Variants in NDUFAF2 observed in about 807,000 individuals in gnomAD.
NDUFAF2 encodes NADH dehydrogenase [ubiquinone] 1 alpha subcomplex assembly factor 2.
NDUFAF2 carries 13 observed loss-of-function variants against 22.8 expected under a neutral mutation model. The ratio of observed to expected loss-of-function variants is 0.57; its 90% CI spans 0.37 to 0.91. The LOEUF is 0.91. NDUFAF2 is among the 40% of genes least tolerant of loss of function. The probability of loss-of-function intolerance (pLI) is 0.01; values close to 1 mark genes in which losing one functional copy is unlikely to be tolerated. For missense variants in NDUFAF2, 162 were observed against 195.2 expected (o/e 0.83, Z 1.01); for synonymous variants, 53 against 64.2 (o/e 0.83, Z 0.84).
chr5:61,117,630 A>G (rs571429198), intron 3 of NDUFAF2, among the ~76,000 whole-genome samples: 1 of 152,220 alleles, frequency 6.6e-6, no homozygotes, highest in Non-Finnish European at 1.5e-5. Context: ...TGCTGGGATT[A>G]TAGGCGTGAG....
At chr5:61,007,353 G>T (rs111874609) in intron 1 of NDUFAF2, among the ~76,000 whole-genome samples, 1 of 151,602 alleles carries the variant, frequency 6.6e-6, no homozygotes, top group Non-Finnish European at 1.5e-5. Context: ...AGTTTTCCCA[G>T]CACCATTTAT....
chr5:61,035,808 A>G (rs969867889), intron 1 of NDUFAF2, among the ~76,000 whole-genome samples: 7 of 152,154 alleles, frequency 4.6e-5, no homozygotes, highest in Non-Finnish European at 1.0e-4. Context: ...ATTTTCATTT[A>G]TAATATAGTC....
intron 1 of NDUFAF2, among the ~76,000 whole-genome samples, chr5:61,009,091 T>C (rs1260185878): frequency 6.6e-6 from 1 of 152,112 alleles, no homozygotes; most frequent in African/African-American, 2.4e-5. Context: ...TTTACAGTGA[T>C]TTCCTACATT....
chr5:61,095,377 C>T (rs756812284), intron 2 of NDUFAF2, among the ~76,000 whole-genome samples: 4 of 152,212 alleles, frequency 2.6e-5, no homozygotes, highest in Non-Finnish European at 5.9e-5. Context: ...TTCCCTCCCC[C>T]AAGGAACTCT....
chr5:61,123,275 T>C (rs13186053), intron 3 of NDUFAF2, among the ~76,000 whole-genome samples: 16,278 of 152,160 alleles, frequency 0.11, 1,080 homozygotes, highest in South Asian at 0.22. Flanking sequence ...AGTACAGTCA[T>C]GTGTCACTTG....
chr5:61,106,076 A>G (rs553186388), intron 3 of NDUFAF2, among the ~76,000 whole-genome samples: 1 of 151,674 alleles, frequency 6.6e-6, no homozygotes, highest in African/African-American at 2.4e-5. Flanking sequence ...TTAGATGCTA[A>G]CCAATAAATA....
chr5:60,994,427 C>T lies in NDUFAF2; in HGVS notation c.127+49045C>T, dbSNP rs150730770. 9.3e-4 allele frequency among the ~76,000 whole-genome samples: 141 copies of T among 152,324 alleles called. 1 individual carries two copies. The highest frequency in any genetic ancestry group is 3.2e-3 in the African/African-American group (132 of 41,572). On this transcript the variant is annotated intron_variant, in intron 1 of 3. Coordinates refer to ENST00000296597, the MANE Select transcript of NDUFAF2 (RefSeq NM_174889.5). ...GCTGCAGCTGCACCTGGGGAACTCC[C>T]GCTCCACCAACGTGGAAAGAGCAGG...
chr5:60,964,666 G>C lies in NDUFAF2; in HGVS notation c.127+19284G>C, dbSNP rs1214858217. On this transcript the variant is annotated intron_variant, in intron 1 of 3. Coordinates refer to ENST00000296597, the MANE Select transcript of NDUFAF2 (RefSeq NM_174889.5). ...AGGGTTTCACCATGTTGGTCAGGCT[G>C]GTCTTGAACTCCTGACCTCAAGTGA... Among the ~76,000 whole-genome samples the C allele has an allele frequency of 2.5e-4, 38 of 152,034 alleles. 1 individual carries two copies. The highest frequency in any genetic ancestry group is 4.4e-5 in the Non-Finnish European group (3 of 68,006).
intron 1 of NDUFAF2, among the ~76,000 whole-genome samples, chr5:60,947,072 T>C (rs1750471108): frequency 6.6e-6 from 1 of 152,220 alleles, no homozygotes; most frequent in Admixed American, 6.5e-5. Context: ...TGACAAAAGC[T>C]CTACAAACAT....
rs111539922 is a variant in NDUFAF2 at position 60,954,770 on chromosome 5, A to G, written c.127+9388A>G. Among the ~76,000 whole-genome samples the G allele has an allele frequency of 3.3e-3, 505 of 151,022 alleles. 13 individuals are homozygous for G. Among genetic ancestry groups the G allele is most frequent in the East Asian group, 7.2e-3 (37 of 5,136 alleles). On this transcript the variant is annotated intron_variant, in intron 1 of 3. Coordinates refer to ENST00000296597, the MANE Select transcript of NDUFAF2 (RefSeq NM_174889.5). The stretch of plus-strand genomic sequence containing the variant: ...GTCCTTTTTTTTTTTTTTAAATAGT[A>G]GCCATCCTAACAAGTATAAGGTGAT...
chr5:61,147,675 T>C (rs1230546805), intron 3 of NDUFAF2, among the ~76,000 whole-genome samples: 1 of 152,138 alleles, frequency 6.6e-6, no homozygotes, highest in African/African-American at 2.4e-5. Flanking sequence ...CTTTCCAATA[T>C]AGTGGCCATT....
At chr5:60,986,937 C>CA (rs200015156) in intron 1 of NDUFAF2, among the ~76,000 whole-genome samples, 5,269 of 73,080 alleles carry the variant, frequency 0.072, 259 homozygotes, top group African/African-American at 0.16. Flanking sequence ...TCTTTTGTCT[C>CA]AAAAAAAAAA....
intron 1 of NDUFAF2, among the ~76,000 whole-genome samples, chr5:60,985,094 G>C (rs889088893): frequency 1.3e-5 from 2 of 152,176 alleles, no homozygotes; most frequent in African/African-American, 2.4e-5. Flanking sequence ...TCTATTCAGA[G>C]ATTCAGCTTC....
chr5:61,088,474 G>A (rs1752530339), intron 2 of NDUFAF2, among the ~76,000 whole-genome samples: 1 of 151,992 alleles, frequency 6.6e-6, no homozygotes, highest in Non-Finnish European at 1.5e-5. Flanking sequence ...TAAACAGACT[G>A]GGGAACTTTT....
intron 1 of NDUFAF2, among the ~76,000 whole-genome samples, chr5:61,032,945 T>C (rs1196676909): frequency 6.6e-6 from 1 of 152,146 alleles, no homozygotes; most frequent in Non-Finnish European, 1.5e-5. Context: ...AAAGCATTCC[T>C]CTTTCTCCAC....
At chr5:60,999,185 A>G (rs10069035) in intron 1 of NDUFAF2, among the ~76,000 whole-genome samples, 9,664 of 144,982 alleles carry the variant, frequency 0.067, 1,009 homozygotes, top group African/African-American at 0.22. Flanking sequence ...CAAGTTAAAC[A>G]TTGAATTACC....
intron 3 of NDUFAF2, among the ~76,000 whole-genome samples, chr5:61,110,294 T>C (rs750677889): frequency 6.6e-6 from 1 of 151,924 alleles, no homozygotes; most frequent in Admixed American, 6.6e-5. Flanking sequence ...TTTTTAAATG[T>C]ATCTTTGTCT....
At chr5:61,085,475 C>A (rs2111748276) in intron 2 of NDUFAF2, among the ~76,000 whole-genome samples, 1 of 152,162 alleles carries the variant, frequency 6.6e-6, no homozygotes, top group South Asian at 2.1e-4. Flanking sequence ...CACTTTCCCC[C>A]TAAGATTGGG....
chr5:61,125,024 A>C (rs1753018442), intron 3 of NDUFAF2, among the ~76,000 whole-genome samples: 1 of 151,940 alleles, frequency 6.6e-6, no homozygotes, highest in African/African-American at 2.4e-5. Flanking sequence ...GTGAGAACTC[A>C]CTCACAATCA....
Sources: allele counts gnomAD v4.1 joint callset (sites outside exome capture counted in the v4.1 genomes callset), GRCh38; gene constraint gnomAD v4.1.1; transcripts MANE v1.5; gene names NCBI Gene and HGNC (gene_info 2026-07-23, HGNC 2026-07-21).